The following SNRPN variants were observed in gnomAD, a reference collection of about 807,000 sequenced individuals.
SNRPN encodes the protein small nuclear ribonucleoprotein-associated protein N.
In SNRPN, 7 loss-of-function variants were observed where a neutral mutation model predicts 25.2. That is an observed-to-expected ratio of 0.28 (90% CI 0.16 to 0.52). SNRPN has a LOEUF of 0.52. Ranked by LOEUF, SNRPN falls within the 20% of genes least tolerant of loss-of-function variation. SNRPN has a pLI of 0.96. For synonymous variants in SNRPN, 124 were observed against 110.6 expected, an observed-to-expected ratio of 1.12 and a Z score of -0.76; for missense variants, 196 against 322.5, an observed-to-expected ratio of 0.61 and a Z score of 3.00.
At chr15:24,905,468 C>T (rs958230366) in intron 2 of SNRPN, among the ~76,000 whole-genome samples, 5 of 150,410 alleles carry the variant, frequency 3.3e-5, no homozygotes, top group African/African-American at 1.2e-4. Flanking sequence ...GAGATCAAGC[C>T]ACTGCACTCG....
intron 2 of SNRPN, among the ~76,000 whole-genome samples, chr15:24,918,072 T>C (rs1429524548): frequency 6.6e-6 from 1 of 151,930 alleles, no homozygotes; most frequent in Non-Finnish European, 1.5e-5. Context: ...TATTTTTCAG[T>C]AAGTTTGAGG....
intron 1 of SNRPN, among the ~76,000 whole-genome samples, chr15:24,881,584 GGAGAGAGAGAGA>G (rs1157961647): frequency 8.7e-5 from 5 of 57,654 alleles, no homozygotes; most frequent in Admixed American, 8.4e-4. Flanking sequence ...AGGGAGGGAG[GGAGAGAGAGAGA>G]GAGAGAGAGA....
Position 24,929,166 on chromosome 15 carries a change from T to C in SNRPN, c.-391+9042T>C, listed in dbSNP as rs2060624968. Among the ~76,000 whole-genome samples, 1 of 152,186 alleles carries C rather than the reference T, an allele frequency of 6.6e-6. No homozygotes were observed. The highest frequency in any genetic ancestry group is 2.4e-5 in the African/African-American group (1 of 41,456). ...TATATGTATTGTGTATATATGTATG[T>C]AGCTATATGTGTGTATGTGTATATA... is the stretch of plus-strand genomic sequence containing the variant. On this transcript the variant is annotated intron_variant, in intron 3 of 11. Transcript: ENST00000400097. The surrounding 1 kb of genome is among the most constrained non-coding windows in gnomAD (Gnocchi z 5.3).
At chr15:24,934,569 T>A (rs957552474) in intron 3 of SNRPN, among the ~76,000 whole-genome samples, 3 of 152,182 alleles carry the variant, frequency 2.0e-5, no homozygotes, top group Non-Finnish European at 1.5e-5. Flanking sequence ...ATTGATTGAT[T>A]ATTATTTGAA....
At chr15:24,960,799 G>A (rs1430400559) in intron 1 of SNRPN, among the ~76,000 whole-genome samples, 2 of 152,002 alleles carry the variant, frequency 1.3e-5, no homozygotes, top group African/African-American at 4.8e-5. Context: ...ACTTTTTTGA[G>A]GTGTGAGTGA....
intron 2 of SNRPN, among the ~76,000 whole-genome samples, chr15:24,837,112 T>C (rs116256029): frequency 0.013 from 1,968 of 152,118 alleles, 61 homozygotes; most frequent in African/African-American, 0.045. Context: ...GTATAAATCT[T>C]AGCCACAACA....
At chr15:24,878,325 T>C (rs17784286) in intron 1 of SNRPN, among the ~76,000 whole-genome samples, 80,454 of 152,056 alleles carry the variant, frequency 0.53, 21,928 homozygotes, top group East Asian at 0.88. Context: ...GCAAGAAATG[T>C]GCCACCGTTC....
At position 24,976,963 on chromosome 15, in the gene SNRPN, G is replaced by T; in HGVS notation, c.354G>T (p.Val118=). The change falls in exon 7 of 10, where the codon GTG becomes GTT. Residue 118 remains valine (V), a synonymous_variant. Coordinates refer to ENST00000390687, the MANE Select transcript of SNRPN (RefSeq NM_003097.6). The part of the protein sequence containing the change: ...RAAGRGVPAG[V]PIPQAPAGLA... Reference sequence around the variant, plus strand: ...CTGGTAGAGGAGTACCAGCTGGTGTGCCAATTCCCCAGGCCCCTGCTGGAT... The same window carrying T: ...CTGGTAGAGGAGTACCAGCTGGTGTTCCAATTCCCCAGGCCCCTGCTGGAT... The T allele has an allele frequency of 6.2e-7, 1 of 1,605,258 alleles. No individual in the cohort carries two copies. Among genetic ancestry groups the T allele is most frequent in the South Asian group, 1.1e-5 (1 of 89,822 alleles).
intron 4 of SNRPN, chr15:24,975,000 G>T (rs1404497846): frequency 2.8e-6 from 2 of 702,784 alleles, no homozygotes; most frequent in Admixed American, 4.0e-5. Flanking sequence ...AAAATGGAAG[G>T]GTTTTGGCAT....
chr15:24,866,859 C>T (rs139497078), intron 1 of SNRPN, among the ~76,000 whole-genome samples: 18 of 151,980 alleles, frequency 1.2e-4, no homozygotes, highest in African/African-American at 3.9e-4. Flanking sequence ...TCGCAAATGA[C>T]AGGATTTCCT....
rs1368696615 is a variant in SNRPN, at chr15:24,923,917, ATAAACAT to A, written c.-391+3795_-391+3801del. On this transcript the variant is annotated intron_variant, in intron 3 of 11. Coordinates refer to the SNRPN transcript ENST00000400097. ...TGTGTGTGTGTGTGTGTGTGTGTATATAAACATTTTTTTTTTTTTTTTTTTTTTTTTG... is the reference window on the plus strand; with the variant it reads ...TGTGTGTGTGTGTGTGTGTGTGTATATTTTTTTTTTTTTTTTTTTTTTTTG... Among the ~76,000 whole-genome samples the A allele has an allele frequency of 6.4e-4, 39 of 60,722 alleles. 1 individual carries two copies. The highest frequency in any genetic ancestry group is 2.5e-3 in the African/African-American group (38 of 14,990). The allele number at this position is 60,722 out of a possible 152,430, so 39.8% of individuals were successfully genotyped here.
At chr15:24,944,640 T>G (rs1274114254) in intron 3 of SNRPN, among the ~76,000 whole-genome samples, 1 of 152,244 alleles carries the variant, frequency 6.6e-6, no homozygotes, top group African/African-American at 2.4e-5. Flanking sequence ...ACCCCAGAAC[T>G]AATTCAGAAA....
At chr15:24,912,894 C>T (rs562082168) in intron 2 of SNRPN, among the ~76,000 whole-genome samples, 1 of 152,192 alleles carries the variant, frequency 6.6e-6, no homozygotes, top group African/African-American at 2.4e-5. Flanking sequence ...TCCAGAAACA[C>T]GACAAATAAG....
At chr15:24,957,046 T>G (rs924086190) in intron 1 of SNRPN, among the ~76,000 whole-genome samples, 3 of 152,238 alleles carry the variant, frequency 2.0e-5, no homozygotes, top group African/African-American at 7.2e-5. Flanking sequence ...GGTTGTATTG[T>G]GCGCTAATTC....
intron 2 of SNRPN, among the ~76,000 whole-genome samples, chr15:24,894,431 G>A (rs879360724): frequency 3.9e-5 from 6 of 152,112 alleles, no homozygotes; most frequent in African/African-American, 7.2e-5. Flanking sequence ...TGTTAGCCAG[G>A]ATGTGTCTTG....
chr15:24,934,300 A>G (rs1214514348), intron 3 of SNRPN, among the ~76,000 whole-genome samples: 1 of 152,176 alleles, frequency 6.6e-6, no homozygotes, highest in Non-Finnish European at 1.5e-5. Flanking sequence ...TCTGTCTCAA[A>G]AAATAAAATA....
intron 1 of SNRPN, among the ~76,000 whole-genome samples, chr15:24,956,853 T>C (rs1054296218): frequency 8.5e-5 from 13 of 152,170 alleles, no homozygotes; most frequent in Non-Finnish European, 1.6e-4. Flanking sequence ...GCAGCTGCAC[T>C]GGGCTACTGC....
Position 24,909,499 on chromosome 15 carries a change from C to G in SNRPN, c.-504-10512C>G, listed in dbSNP as rs755899166. On this transcript the variant is annotated intron_variant, in intron 2 of 11. Transcript: ENST00000400097. ...TGTCCATGCCAAACCTACTGAGAAG[C>G]CTGCGGGCCAGCGGCAGGCCAGTAC... The G allele has an allele frequency of 6.7e-5, 104 of 1,547,394 alleles. No individual in the cohort carries two copies. In the Admixed American group the frequency reaches 7.5e-4, roughly 11 times the overall value.
rs374823873 is a variant in SNRPN at position 24,978,165 on chromosome 15, C to G, written c.560-28C>G. On this transcript the variant is annotated intron_variant, in intron 8 of 9. Transcript: ENST00000390687. ...AACTTTTCTAAGCCATTTTATGAGGCCTTTATTTCTACCATTTTTCACTGT... is the reference window on the plus strand; with the variant it reads ...AACTTTTCTAAGCCATTTTATGAGGGCTTTATTTCTACCATTTTTCACTGT... The G allele has an allele frequency of 4.4e-6, 7 of 1,605,294 alleles. No individual in the cohort carries two copies. In the African/African-American group the frequency reaches 6.7e-5, roughly 15 times the overall value.
Sources: gnomAD v4.1 joint callset for allele counts (sites outside exome capture counted in the v4.1 genomes callset) on GRCh38, gnomAD v4.1.1 for gene constraint, Gnocchi (gnomAD v3.1) non-coding constraint, MANE v1.5 for transcripts, NCBI Gene and HGNC (gene_info 2026-07-23, HGNC 2026-07-21) for gene names.